The following PAFAH1B2 variants were observed in gnomAD, a reference collection of about 807,000 sequenced individuals.
PAFAH1B2 encodes the protein platelet-activating factor acetylhydrolase IB subunit alpha2.
Under a neutral mutation model 28.0 loss-of-function variants are expected in PAFAH1B2, and 8 were observed. The observed-to-expected ratio is 0.29, with a 90% CI of 0.17 to 0.52. The LOEUF (loss-of-function observed/expected upper bound fraction) is 0.52, where lower values mean the gene tolerates loss of function less well. PAFAH1B2 is among the 20% of genes least tolerant of loss of function. The pLI is 0.97. For synonymous variants in PAFAH1B2, 104 were observed against 103.2 expected (o/e 1.01, Z -0.05); for missense variants, 190 against 282.6 (o/e 0.67, Z 2.35).
chr11:117,144,912 A>G (rs1267484985), intron 1 of PAFAH1B2, among the ~76,000 whole-genome samples: 2 of 152,196 alleles, frequency 1.3e-5, no homozygotes, highest in African/African-American at 4.8e-5. Flanking sequence ...GTCTGGTCGG[A>G]GGCCAAAACC....
chr11:117,168,689 G>C lies in PAFAH1B2; in HGVS notation c.*990G>C, dbSNP rs181891564. ...TGTTAACAGTTTTTTTTGGGGGTGG[G>C]GGGATTCAGAACTCTTGTTTCCCAT... On this transcript the variant is annotated 3_prime_UTR_variant, in exon 6 of 6. Transcript: ENST00000527958. 1,274 of 1,061,508 alleles carry C rather than the reference G, an allele frequency of 1.2e-3. 12 individuals carry two copies. In the African/African-American group the frequency reaches 0.019, roughly 16 times the overall value. The allele number at this position is 1,061,508 out of a possible 1,614,324, so 65.8% of individuals were successfully genotyped here.
Position 117,169,494 on chromosome 11 carries a change from A to G in PAFAH1B2, c.*1795A>G, listed in dbSNP as rs1956597816. On this transcript the variant is annotated 3_prime_UTR_variant, in exon 6 of 6. Coordinates refer to ENST00000527958, the MANE Select transcript of PAFAH1B2 (RefSeq NM_002572.4). ...TTTCAGTGCTTTTGTATGTTGGAGG[A>G]GGGCTTACTGATGCGTGCTAAGACC... The G allele has an allele frequency of 9.5e-7, 1 of 1,054,944 alleles. No individual in the cohort carries two copies. The highest frequency in any genetic ancestry group is 1.1e-6 in the Non-Finnish European group (1 of 872,726). The allele number at this position is 1,054,944 out of a possible 1,614,324, so 65.3% of individuals were successfully genotyped here.
At chr11:117,172,372 A>T (rs866749498), downstream of PAFAH1B2, among the ~76,000 whole-genome samples, 11 of 60,028 alleles carry the variant, frequency 1.8e-4, no homozygotes, top group South Asian at 1.5e-3. Flanking sequence ...ATATATATAT[A>T]TATATATATA....
downstream of PAFAH1B2, among the ~76,000 whole-genome samples, chr11:117,172,381 TATATATATATATATATATA>T (rs1956681015): frequency 0.085 from 457 of 5,348 alleles, 13 homozygotes; most frequent in Non-Finnish European, 0.12. Context: ...TATATATATA[TATATATATATATATATATA>T]TATATTTTTT....
downstream of PAFAH1B2, among the ~76,000 whole-genome samples, chr11:117,173,593 G>A (rs912786832): frequency 5.3e-5 from 8 of 152,266 alleles, no homozygotes; most frequent in African/African-American, 1.9e-4. Flanking sequence ...TTATGTGCCA[G>A]GGCAACAGGC....
chr11:117,151,419 C>T (rs1464700658), intron 1 of PAFAH1B2, among the ~76,000 whole-genome samples: 34 of 151,678 alleles, frequency 2.2e-4, no homozygotes, highest in African/African-American at 7.3e-4. Context: ...TTAGTAGAGA[C>T]GGGGTTTCAC....
chr11:117,167,647 T>G lies in PAFAH1B2; in HGVS notation c.638T>G (p.Ile213Ser). ...AKICKPLHEL[I>S]MQLLEETPEE... ...ATCTGCAAACCCCTGCATGAACTGA[T>G]CATGCAGTTGTTGGAGGAAACACCT... Residue 213 changes from isoleucine to serine, a missense_variant, in exon 6 of 6, where the codon ATC (isoleucine) becomes AGC (serine). Ile to Ser is a moderately radical substitution (Grantham distance 142). Coordinates refer to ENST00000527958, the MANE Select transcript of PAFAH1B2 (RefSeq NM_002572.4). The G allele has an allele frequency of 6.3e-7, 1 of 1,584,808 alleles. No homozygotes were observed. Among genetic ancestry groups the G allele is most frequent in the Non-Finnish European group, 8.6e-7 (1 of 1,159,354 alleles).
intron 4 of PAFAH1B2, among the ~76,000 whole-genome samples, chr11:117,162,712 C>CCA (rs916906548): frequency 6.6e-6 from 1 of 151,948 alleles, no homozygotes; most frequent in African/African-American, 2.4e-5. Context: ...CAGGATCACA[C>CCA]CACTGCACTC....
intron 1 of PAFAH1B2, among the ~76,000 whole-genome samples, chr11:117,147,903 A>G (rs561225641): frequency 1.3e-5 from 2 of 152,222 alleles, no homozygotes; most frequent in East Asian, 1.9e-4. Flanking sequence ...CTCTATGTGT[A>G]TGCTTTTTTT....
rs1480169793 is a variant in PAFAH1B2, at chr11:117,169,616, CT to C, written c.*1923del. ...TTTTGTTCTTTTTAAAAAATACATA[CT>C]TTTTTGAATGTATCATGTCTTCATT... On this transcript the variant is annotated 3_prime_UTR_variant, in exon 6 of 6. Transcript: ENST00000527958. The C allele has an allele frequency of 1.3e-5, 14 of 1,049,808 alleles. No homozygotes were observed. The highest frequency in any genetic ancestry group is 4.3e-4 in the Middle Eastern group (1 of 2,344). The allele number at this position is 1,049,808 out of a possible 1,614,324, so 65.0% of individuals were successfully genotyped here.
intron 5 of PAFAH1B2, among the ~76,000 whole-genome samples, 175 bp from the exon 6 acceptor site, chr11:117,167,245 GA>G (rs1591753360): frequency 6.6e-6 from 1 of 152,106 alleles, no homozygotes; most frequent in African/African-American, 2.4e-5. Flanking sequence ...GGGAACCCAT[GA>G]AAAAACTAAG....
chr11:117,171,621 G>A (rs1286265162), downstream of PAFAH1B2: 1 of 1,173,702 alleles, frequency 8.5e-7, no homozygotes, highest in Non-Finnish European at 1.2e-6. Flanking sequence ...TACGTCCCCA[G>A]GGTAAAGCAG....
intron 5 of PAFAH1B2, among the ~76,000 whole-genome samples, chr11:117,164,764 G>A (rs111556998): frequency 0.013 from 2,007 of 151,628 alleles, 38 homozygotes; most frequent in African/African-American, 0.042. Flanking sequence ...GGCCGGGTGT[G>A]GTGGCTCACG....
downstream of PAFAH1B2, chr11:117,174,941 C>A: frequency 1.3e-6 from 2 of 1,519,144 alleles, no homozygotes; most frequent in South Asian, 1.2e-5. Context: ...AACAATACCC[C>A]TGAGCCACCT....
chr11:117,144,327 G>A lies in PAFAH1B2; in HGVS notation c.-99G>A, dbSNP rs1428455296. On this transcript the variant is annotated 5_prime_UTR_variant, in exon 1 of 6. Transcript: ENST00000527958. Reference sequence around the variant, plus strand: ...GGTGCTGGGGCCGGAGGAGGGACGCGCCGGAGCGGGACCGACGGGACCGAG... The same window carrying A: ...GGTGCTGGGGCCGGAGGAGGGACGCACCGGAGCGGGACCGACGGGACCGAG... 4.9e-6 allele frequency: 2 copies of A among 404,822 alleles called. No individual in the cohort carries two copies. The highest frequency in any genetic ancestry group is 1.0e-5 in the Non-Finnish European group (2 of 197,848). The allele number at this position is 404,822 out of a possible 1,614,324, so 25.1% of individuals were successfully genotyped here.
In PAFAH1B2 at chr11:117,167,469, G is replaced by A. The variant is rs1379047699; in HGVS notation, c.460G>A (p.Ala154Thr). ...ACCCAATCCTTTGAGGCAAAAGAAC[G>A]CCAAGGTGAACCAACTCCTCAAGGT... ...EKPNPLRQKN[A>T]KVNQLLKVSL... Residue 154 changes from alanine (A) to threonine (T), a missense_variant, in exon 6 of 6, where the codon GCC (alanine) becomes ACC (threonine). Physicochemically the swap from Ala to Thr is moderately conservative, Grantham distance 58. Transcript: ENST00000527958. 5.6e-6 allele frequency: 9 copies of A among 1,603,922 alleles called. No homozygotes were observed. Among genetic ancestry groups the A allele is most frequent in the Admixed American group, 3.4e-5 (2 of 59,146 alleles).
rs148140054 is a variant in PAFAH1B2, at chr11:117,164,965, T to C, written c.411+1073T>C. Among the ~76,000 whole-genome samples the C allele has an allele frequency of 6.4e-3, 964 of 149,480 alleles. 14 individuals are homozygous for C. Among genetic ancestry groups the C allele is most frequent in the African/African-American group, 0.022 (918 of 40,966 alleles). On this transcript the variant is annotated intron_variant, in intron 5 of 5. Transcript: ENST00000527958. ...ACAGATAATTTCTTTTTTCTTTTTTTTTTTTTTTGAGACAGAGTCTCGCTC... is the reference window on the plus strand; with the variant it reads ...ACAGATAATTTCTTTTTTCTTTTTTCTTTTTTTTGAGACAGAGTCTCGCTC...
intron 1 of PAFAH1B2, among the ~76,000 whole-genome samples, chr11:117,150,020 G>C (rs1956112755): frequency 1.3e-5 from 2 of 152,004 alleles, no homozygotes; most frequent in Non-Finnish European, 2.9e-5. Context: ...ACAAAAAAAA[G>C]ACCTTGTCTC....
At chr11:117,175,659 G>T, downstream of PAFAH1B2, 3 of 1,307,882 alleles carry the variant, frequency 2.3e-6, no homozygotes, top group African/African-American at 4.5e-5. Flanking sequence ...GCAAGCTTCT[G>T]GAGTGCCCCG....
Sources: gnomAD v4.1 joint callset for allele counts (sites outside exome capture counted in the v4.1 genomes callset) on GRCh38, gnomAD v4.1.1 for gene constraint, MANE v1.5 for transcripts, NCBI Gene and HGNC (gene_info 2026-07-23, HGNC 2026-07-21) for gene names.